Variants in STAB2 observed in about 807,000 individuals in gnomAD.
The protein encoded by STAB2 is stabilin-2.
STAB2 carries 288 observed loss-of-function variants against 338.1 expected under a neutral mutation model. The ratio of observed to expected loss-of-function variants is 0.85; its 90% CI spans 0.77 to 0.94. STAB2 has a LOEUF of 0.94. Ranked by LOEUF, STAB2 falls within the 40% of genes least tolerant of loss-of-function variation. STAB2 has a pLI of 0.00. For missense variants in STAB2, 3,141 were observed against 3,210.1 expected (o/e 0.98, Z 0.52); for synonymous variants, 1,202 against 1,193.3 (o/e 1.01, Z -0.15).
chr12:103,597,368 AT>A (rs1177442830), intron 3 of STAB2, among the ~76,000 whole-genome samples: 1 of 152,206 alleles, frequency 6.6e-6, no homozygotes, highest in Non-Finnish European at 1.5e-5. Context: ...CAAATGGAAC[AT>A]CCACTTCCTT....
chr12:103,693,062 T>A (rs975598792), intron 31 of STAB2, among the ~76,000 whole-genome samples, 173 bp downstream of exon 31: 1 of 152,202 alleles, frequency 6.6e-6, no homozygotes, highest in African/African-American at 2.4e-5. Context: ...ATTGATTCAA[T>A]GAGACTCAGT....
chr12:103,758,253 C>A lies in STAB2; in HGVS notation c.7071C>A (p.Leu2357=). The change falls in exon 64 of 69, where the codon CTC becomes CTA. Residue 2357 remains leucine, a synonymous_variant. Coordinates refer to ENST00000388887, the MANE Select transcript of STAB2 (RefSeq NM_017564.10). The part of the protein sequence containing the change: ...HLTDLSIRGT[L]FVPQNSGLGE... ...CTGACCTGTCCATCCGCGGCACCCT[C>A]TTTGTGCCACAGAACAGTGGGCTGG... The A allele has an allele frequency of 1.2e-6, 2 of 1,614,114 alleles. No homozygotes were observed. The highest frequency in any genetic ancestry group is 1.7e-6 in the Non-Finnish European group (2 of 1,180,046).
chr12:103,664,175 G>A lies in STAB2; in HGVS notation c.2022+1177G>A, dbSNP rs528670596. On this transcript the variant is annotated intron_variant, in intron 18 of 68. Transcript: ENST00000388887. Reference sequence around the variant, plus strand: ...TTATTTTGTTTTGAGACAGAGTCTCGCTCTGTTGCCCAGGCTGGAGTGCAG... The same window carrying A: ...TTATTTTGTTTTGAGACAGAGTCTCACTCTGTTGCCCAGGCTGGAGTGCAG... 3.3e-5 allele frequency among the ~76,000 whole-genome samples: 5 copies of A among 150,412 alleles called. No individual in the cohort carries two copies. The East Asian group carries it at 8.1e-4, about 24-fold the overall frequency.
At chr12:103,652,819 C>T (rs1873844640) in intron 12 of STAB2, 114 bp downstream of exon 12, 7 of 1,259,042 alleles carry the variant, frequency 5.6e-6, no homozygotes, top group Non-Finnish European at 6.4e-6. Context: ...GAAATTCTTT[C>T]CTCATGTATT....
chr12:103,655,604 A>T, intron 15 of STAB2, 23 bp downstream of exon 15: 5 of 1,612,508 alleles, frequency 3.1e-6, no homozygotes, highest in Non-Finnish European at 4.2e-6. Flanking sequence ...GCTTGCTCTG[A>T]TGGCATCGTG....
intron 58 of STAB2, among the ~76,000 whole-genome samples, chr12:103,747,943 T>TGAGATCA (rs1264161999): frequency 7.1e-6 from 1 of 140,332 alleles, no homozygotes; most frequent in Non-Finnish European, 1.5e-5. Flanking sequence ...TGCAGTGAGC[T>TGAGATCA]GAGATCAGGC....
intron 67 of STAB2, among the ~76,000 whole-genome samples, chr12:103,763,003 G>A (rs1284439273): frequency 6.6e-6 from 1 of 152,200 alleles, no homozygotes; most frequent in Non-Finnish European, 1.5e-5. Context: ...AAACACTCCT[G>A]GTAAAGGCTG....
At chr12:103,598,990 G>C (rs747106761) in intron 3 of STAB2, among the ~76,000 whole-genome samples, 19 of 152,178 alleles carry the variant, frequency 1.2e-4, no homozygotes, top group Middle Eastern at 3.2e-3. Flanking sequence ...GAGGAGTTTT[G>C]CAGCCTGCCC....
chr12:103,766,190 G>C, intron 68 of STAB2, 96 bp from the exon 69 acceptor site: 1 of 1,497,526 alleles, frequency 6.7e-7, no homozygotes, highest in South Asian at 1.1e-5. Context: ...ACAGTGCTCA[G>C]GGAGAGTCAT....
intron 27 of STAB2, among the ~76,000 whole-genome samples, chr12:103,686,321 A>G (rs1485473360): frequency 6.6e-6 from 1 of 152,188 alleles, no homozygotes; most frequent in African/African-American, 2.4e-5. Context: ...AGTCAGGCCA[A>G]GGAGCTGTCT....
chr12:103,620,658 C>T, intron 4 of STAB2, 105 bp downstream of exon 4: 5 of 949,246 alleles, frequency 5.3e-6, no homozygotes, highest in Non-Finnish European at 6.4e-6. Flanking sequence ...CACACACGTG[C>T]ACACACACAT....
intron 6 of STAB2, among the ~76,000 whole-genome samples, chr12:103,634,437 G>A (rs1179142444): frequency 6.6e-6 from 1 of 152,164 alleles, no homozygotes; most frequent in Non-Finnish European, 1.5e-5. Context: ...CTGAAATGAG[G>A]GTGCCAGTCT....
chr12:103,738,849 G>A (rs1479200974), intron 53 of STAB2, among the ~76,000 whole-genome samples: 2 of 152,172 alleles, frequency 1.3e-5, no homozygotes, highest in East Asian at 3.8e-4. Flanking sequence ...GTAAGACACT[G>A]CCCTGGTCCA....
At position 103,640,347 on chromosome 12, in the gene STAB2, G is replaced by T. The variant is rs936217960; in HGVS notation, c.1040+91G>T. ...AAGTTTCTTGAAGGGGAGGAAATGT[G>T]TCTTATTCAGCCTTGCATCCACCCC... is the stretch of plus-strand genomic sequence containing the variant. On this transcript the variant is annotated intron_variant, in intron 9 of 68. Transcript: ENST00000388887. 2.5e-5 allele frequency: 38 copies of T among 1,525,686 alleles called. No individual in the cohort carries two copies. The Admixed American group carries it at 6.8e-4, about 27-fold the overall frequency. 94.5% of individuals were successfully genotyped at this position (1,525,686 alleles called of 1,614,324 possible).
intron 39 of STAB2, among the ~76,000 whole-genome samples, chr12:103,710,977 G>C (rs776692970): frequency 6.6e-6 from 1 of 152,200 alleles, no homozygotes; most frequent in Non-Finnish European, 1.5e-5. Context: ...TGTACCTGCT[G>C]TGTGCAAAGC....
chr12:103,703,966 C>T (rs1210990956), intron 35 of STAB2, among the ~76,000 whole-genome samples: 1 of 152,158 alleles, frequency 6.6e-6, no homozygotes, highest in Non-Finnish European at 1.5e-5. Flanking sequence ...CAGGTTCATA[C>T]ACTACCAAGT....
chr12:103,759,386 C>T, intron 65 of STAB2, 113 bp downstream of exon 65: 9 of 1,430,474 alleles, frequency 6.3e-6, no homozygotes, highest in Non-Finnish European at 8.4e-6. Flanking sequence ...AACTCTAAAC[C>T]TGCAGATAGG....
Position 103,652,691 on chromosome 12 carries a change from T to C in STAB2, c.1393T>C (p.Phe465Leu). Residue 465 changes from phenylalanine to leucine, a missense_variant, in exon 12 of 69, where the codon TTC (phenylalanine) becomes CTC (leucine). Phe to Leu is a conservative substitution (Grantham distance 22). Transcript: ENST00000388887. ...CTTGACTGGAAAGTCGGGGGAAATC[T>C]TCAACAGCGATAAGGTAAGGGTTCC... ...YTLTGKSGEI[F>L]NSDKDNQIKL... 1 of 1,600,046 alleles carries C rather than the reference T, an allele frequency of 6.2e-7. No homozygotes were observed.
chr12:103,759,362 A>G (rs1884375565), intron 65 of STAB2, 89 bp downstream of exon 65: 1 of 1,522,230 alleles, frequency 6.6e-7, no homozygotes, highest in South Asian at 1.3e-5. Context: ...GATGGCAACT[A>G]TTATGCAAAC....
Sources: allele counts gnomAD v4.1 joint callset (sites outside exome capture counted in the v4.1 genomes callset), GRCh38; gene constraint gnomAD v4.1.1; transcripts MANE v1.5; gene names NCBI Gene and HGNC (gene_info 2026-07-23, HGNC 2026-07-21).